The following PTPRG variants were observed in gnomAD, a reference collection of about 807,000 sequenced individuals.
PTPRG encodes the protein protein tyrosine phosphatase receptor type G, also known as receptor-type tyrosine-protein phosphatase gamma.
A neutral mutation model predicts 165.3 loss-of-function variants in PTPRG; 102 were observed. That is an observed-to-expected ratio of 0.62 (90% CI 0.53 to 0.73). PTPRG has a LOEUF of 0.73. Ranked by LOEUF, PTPRG falls within the 30% of genes least tolerant of loss-of-function variation. The probability of loss-of-function intolerance (pLI) is 0.00; values close to 1 mark genes in which losing one functional copy is unlikely to be tolerated. For synonymous variants in PTPRG, 675 were observed against 669.5 expected (o/e 1.01, Z -0.13); for missense variants, 1,866 against 1,861.4 (o/e 1.00, Z -0.05).
intron 2 of PTPRG, among the ~76,000 whole-genome samples, chr3:61,862,144 C>A (rs139917552): frequency 6.6e-6 from 1 of 152,026 alleles, no homozygotes; most frequent in Non-Finnish European, 1.5e-5. Flanking sequence ...GAGCGCGAAC[C>A]CTGTTGTGAA....
intron 2 of PTPRG, among the ~76,000 whole-genome samples, chr3:61,923,602 T>C: frequency 7.7e-6 from 1 of 129,968 alleles, no homozygotes; most frequent in East Asian, 2.6e-4. Context: ...TTCCCCTTCC[T>C]GTCTCCATGT....
At chr3:61,670,409 T>A (rs1028286260) in intron 1 of PTPRG, among the ~76,000 whole-genome samples, 1 of 152,246 alleles carries the variant, frequency 6.6e-6, no homozygotes, top group Admixed American at 6.5e-5. Flanking sequence ...GAGTTACTCT[T>A]AAGAGCACCT....
At chr3:61,849,528 A>ACG (rs897908402) in intron 2 of PTPRG, among the ~76,000 whole-genome samples, 2 of 152,244 alleles carry the variant, frequency 1.3e-5, no homozygotes, top group African/African-American at 4.8e-5. Flanking sequence ...AATGAGATTT[A>ACG]CGCTCGCTGA....
intron 2 of PTPRG, among the ~76,000 whole-genome samples, chr3:61,877,427 AG>A (rs1415185020): frequency 2.0e-5 from 3 of 152,198 alleles, no homozygotes; most frequent in African/African-American, 7.2e-5. Flanking sequence ...GGGGTTAATA[AG>A]TAAACCACAG....
chr3:61,579,918 A>C (rs114925517), intron 1 of PTPRG, among the ~76,000 whole-genome samples: 1 of 152,224 alleles, frequency 6.6e-6, no homozygotes, highest in Admixed American at 6.5e-5. Context: ...CCACTTATAC[A>C]TGGATTTTTT....
At chr3:62,094,352 A>C (rs1422658094) in intron 5 of PTPRG, among the ~76,000 whole-genome samples, 1 of 152,156 alleles carries the variant, frequency 6.6e-6, no homozygotes, top group Non-Finnish European at 1.5e-5. Flanking sequence ...GACAATACTT[A>C]GGACCTAAGA....
chr3:61,669,126 C>G (rs1284356977), intron 1 of PTPRG, among the ~76,000 whole-genome samples: 2 of 152,122 alleles, frequency 1.3e-5, no homozygotes, highest in Non-Finnish European at 2.9e-5. Context: ...CTGCGCTGCT[C>G]TCTAGGATTG....
At position 61,653,633 on chromosome 3, in the gene PTPRG, G is replaced by C. The variant is rs559261521; in HGVS notation, c.85+91261G>C. 1.4e-4 allele frequency among the ~76,000 whole-genome samples: 21 copies of C among 152,236 alleles called. No homozygotes were observed. In the South Asian group the frequency reaches 4.2e-3, roughly 30 times the overall value. On this transcript the variant is annotated intron_variant, in intron 1 of 29. Transcript: ENST00000474889. Reference sequence around the variant, plus strand: ...GCTGCGTATGTGTAGCTAAATCATTGCATATGTCTTTGTTTTGTTAGGATT... The same window carrying C: ...GCTGCGTATGTGTAGCTAAATCATTCCATATGTCTTTGTTTTGTTAGGATT...
At chr3:61,992,460 A>G (rs903866655) in intron 3 of PTPRG, among the ~76,000 whole-genome samples, 1 of 152,116 alleles carries the variant, frequency 6.6e-6, no homozygotes, top group Non-Finnish European at 1.5e-5. Context: ...CCCGGGTTCA[A>G]GCAGTTTCCG....
chr3:62,037,780 A>T (rs1233096765), intron 4 of PTPRG, among the ~76,000 whole-genome samples: 1 of 152,182 alleles, frequency 6.6e-6, no homozygotes, highest in African/African-American at 2.4e-5. Context: ...GCAAGGTTTC[A>T]TTAGGTCTCG....
intron 2 of PTPRG, chr3:61,925,879 T>C (rs765458021): frequency 1.3e-4 from 65 of 496,814 alleles, no homozygotes; most frequent in Non-Finnish European, 1.8e-4. Context: ...AATACATTAC[T>C]GTTCCAACAA....
At chr3:61,779,936 T>C (rs1380938309) in intron 2 of PTPRG, among the ~76,000 whole-genome samples, 15 of 152,134 alleles carry the variant, frequency 9.9e-5, no homozygotes, top group Admixed American at 9.8e-4. Flanking sequence ...GAGTTAGATA[T>C]TACCTTCCCT....
intron 2 of PTPRG, among the ~76,000 whole-genome samples, chr3:61,752,501 A>G (rs2033471337): frequency 1.3e-5 from 2 of 152,048 alleles, no homozygotes; most frequent in African/African-American, 4.8e-5. Context: ...TCTTATAGAA[A>G]AAGTTTGCTG....
chr3:62,118,956 C>T (rs1702961776), intron 5 of PTPRG, among the ~76,000 whole-genome samples: 1 of 152,210 alleles, frequency 6.6e-6, no homozygotes. Flanking sequence ...CCTGCTTCAC[C>T]TCTTTAATAG....
At chr3:61,980,113 C>G (rs1305623558) in intron 2 of PTPRG, among the ~76,000 whole-genome samples, 1 of 152,086 alleles carries the variant, frequency 6.6e-6, no homozygotes, top group Non-Finnish European at 1.5e-5. Flanking sequence ...GAGCATGATA[C>G]TGAGTAATGG....
intron 2 of PTPRG, among the ~76,000 whole-genome samples, chr3:61,844,698 T>G (rs948433719): frequency 2.6e-5 from 4 of 151,778 alleles, no homozygotes; most frequent in Admixed American, 6.6e-5. Context: ...GATGCGTATC[T>G]TGCTATATTG....
At chr3:61,875,823 AATGAAGATGAGGT>A (rs1429738435) in intron 2 of PTPRG, among the ~76,000 whole-genome samples, 1 of 152,062 alleles carries the variant, frequency 6.6e-6, no homozygotes, top group Non-Finnish European at 1.5e-5. Flanking sequence ...TTCTGCCTGG[AATGAAGATGAGGT>A]ATAGGCTGCA....
chr3:61,979,330 A>G (rs763959036), intron 2 of PTPRG, among the ~76,000 whole-genome samples: 17 of 152,140 alleles, frequency 1.1e-4, no homozygotes, highest in Non-Finnish European at 1.9e-4. Context: ...TTGAAATATT[A>G]TTTGTTTTGA....
intron 2 of PTPRG, among the ~76,000 whole-genome samples, chr3:61,878,464 T>A (rs2037801829): frequency 6.6e-6 from 1 of 152,150 alleles, no homozygotes; most frequent in African/African-American, 2.4e-5. Flanking sequence ...TGGCTTGACT[T>A]GACATCTCCC....
Sources: gnomAD v4.1 joint callset for allele counts (sites outside exome capture counted in the v4.1 genomes callset) on GRCh38, gnomAD v4.1.1 for gene constraint, MANE v1.5 for transcripts, NCBI Gene and HGNC (gene_info 2026-07-23, HGNC 2026-07-21) for gene names.